The following ARL14EP variants were observed in gnomAD, a reference collection of about 807,000 sequenced individuals.
ARL14EP encodes ARF like GTPase 14 effector protein.
ARL14EP carries 12 observed loss-of-function variants against 23.1 expected under a neutral mutation model. The observed-to-expected ratio is 0.52, with a 90% CI of 0.33 to 0.84. ARL14EP has a LOEUF of 0.84. ARL14EP is among the 40% of genes least tolerant of loss of function. ARL14EP has a pLI of 0.02. For synonymous variants in ARL14EP, 97 were observed against 102.0 expected (o/e 0.95, Z 0.29); for missense variants, 253 against 307.3 (o/e 0.82, Z 1.32).
intron 1 of ARL14EP, among the ~76,000 whole-genome samples, chr11:30,326,749 A>C (rs1947237466): frequency 6.6e-6 from 1 of 152,176 alleles, no homozygotes; most frequent in South Asian, 2.1e-4. Context: ...GTATGTGAAC[A>C]AACTGCCTAA....
chr11:30,327,546 CTG>C, intron 1 of ARL14EP, among the ~76,000 whole-genome samples: 1 of 152,174 alleles, frequency 6.6e-6, no homozygotes, highest in South Asian at 2.1e-4. Flanking sequence ...CATTATAGAT[CTG>C]TGGCTAAAAA....
At chr11:30,330,690 G>A (rs573796582) in intron 1 of ARL14EP, 196 bp from the exon 2 acceptor site, 14 of 415,212 alleles carry the variant, frequency 3.4e-5, no homozygotes, top group African/African-American at 2.6e-4. Context: ...ATCTGTAATT[G>A]CAGATGTTTT....
rs7940297 is a variant in ARL14EP at position 30,332,977 on chromosome 11, A to C, written c.538A>C (p.Thr180Pro). 5.6e-4 allele frequency: 911 copies of C among 1,613,262 alleles called. 3 individuals carry two copies. The African/African-American group carries it at 0.011, about 19-fold the overall frequency. Reference protein sequence around the residue: ...REKRRLTKNATAGSDRQVIPA... With the variant: ...REKRRLTKNAPAGSDRQVIPA... ...AAAAAGAAGGCTTACAAAAAATGCA[A>C]CCGCTGGTTCAGACAGGTAGGCTAA... The change falls in exon 3 of 4, where the codon ACC becomes CCC. Residue 180 changes from threonine to proline, a missense_variant. Thr to Pro is a conservative substitution (Grantham distance 38). Transcript: ENST00000282032.
At chr11:30,336,493 T>G (rs1947333208) in intron 3 of ARL14EP, 74 bp from the exon 4 acceptor site, 1 of 1,312,540 alleles carries the variant, frequency 7.6e-7, no homozygotes. Context: ...CTCCTTTTTT[T>G]TTTTTACTGT....
At chr11:30,333,532 T>C (rs1294444445) in intron 3 of ARL14EP, among the ~76,000 whole-genome samples, 1 of 152,164 alleles carries the variant, frequency 6.6e-6, no homozygotes, top group Non-Finnish European at 1.5e-5. Flanking sequence ...TTTGAGTCAC[T>C]AGGAACCACA....
chr11:30,330,680 A>T, intron 1 of ARL14EP: 1 of 395,320 alleles, frequency 2.5e-6, no homozygotes, highest in Non-Finnish European at 4.6e-6. Flanking sequence ...CTTAAATATA[A>T]TCTGTAATTG....
chr11:30,333,115 G>T, intron 3 of ARL14EP, 122 bp downstream of exon 3: 1 of 1,312,410 alleles, frequency 7.6e-7, no homozygotes, highest in Non-Finnish European at 1.0e-6. Context: ...TGTAGAATTA[G>T]TAAAAACCTA....
intron 1 of ARL14EP, chr11:30,327,915 G>C (rs1289138889): frequency 1.3e-5 from 2 of 151,702 alleles, no homozygotes; most frequent in Non-Finnish European, 2.9e-5. Context: ...GGTGGAGCTT[G>C]CAGTGAGCCA....
intron 1 of ARL14EP, among the ~76,000 whole-genome samples, chr11:30,324,553 G>GC (rs1319269370): frequency 6.6e-6 from 1 of 151,538 alleles, no homozygotes; most frequent in Non-Finnish European, 1.5e-5. Context: ...GTTAGTGGTG[G>GC]GGGGGGTGTT....
intron 3 of ARL14EP, among the ~76,000 whole-genome samples, chr11:30,335,763 TA>T (rs1947326354): frequency 1.7e-5 from 2 of 115,770 alleles, no homozygotes; most frequent in Non-Finnish European, 3.7e-5. Flanking sequence ...AGCAAAAAAA[TA>T]TATATATATA....
chr11:30,324,078 A>T (rs1027531662), intron 1 of ARL14EP, among the ~76,000 whole-genome samples: 2 of 152,220 alleles, frequency 1.3e-5, no homozygotes, highest in African/African-American at 4.8e-5. Context: ...TGAAGATGAC[A>T]GGCACAAAAA....
rs1407260577 is a variant in ARL14EP, at chr11:30,336,784, C to T, written c.772C>T (p.His258Tyr). ...IEGGEIIHNKHAG is the reference protein window; with the variant it reads ...IEGGEIIHNKYAG Reference sequence around the variant, plus strand: ...AGGAGGAGAAATAATTCATAATAAACATGCTGGATAATCTGCGGTACCAAA... The same window carrying T: ...AGGAGGAGAAATAATTCATAATAAATATGCTGGATAATCTGCGGTACCAAA... Residue 258 changes from histidine to tyrosine, a missense_variant, in exon 4 of 4, where the codon CAT becomes TAT. Transcript: ENST00000282032. The T allele has an allele frequency of 6.2e-7, 1 of 1,613,580 alleles. No individual in the cohort carries two copies. Among genetic ancestry groups the T allele is most frequent in the African/African-American group, 1.3e-5 (1 of 74,894 alleles).
chr11:30,328,677 C>T (rs1029609193), intron 1 of ARL14EP: 16 of 151,976 alleles, frequency 1.1e-4, no homozygotes, highest in African/African-American at 3.1e-4. Context: ...GACATTTATT[C>T]GCCATTTTTT....
At chr11:30,333,617 G>A (rs1222827588) in intron 3 of ARL14EP, among the ~76,000 whole-genome samples, 1 of 152,094 alleles carries the variant, frequency 6.6e-6, no homozygotes, top group African/African-American at 2.4e-5. Context: ...CTGTTCTCTA[G>A]ACTCTCTCCC....
intron 2 of ARL14EP, 52 bp from the exon 3 acceptor site, chr11:30,332,814 T>A: frequency 6.3e-7 from 1 of 1,597,442 alleles, no homozygotes; most frequent in South Asian, 1.1e-5. Context: ...AAAATGTTAA[T>A]CTGTTGTCTG....
At position 30,332,886 on chromosome 11, in the gene ARL14EP, G is replaced by T. The variant is rs1947296424; in HGVS notation, c.447G>T (p.Leu149Phe). The T allele has an allele frequency of 5.0e-6, 8 of 1,613,202 alleles. No individual in the cohort carries two copies. Among genetic ancestry groups the T allele is most frequent in the South Asian group, 1.1e-5 (1 of 91,036 alleles). The change falls in exon 3 of 4, where the codon TTG (leucine) becomes TTT (phenylalanine). Residue 149 changes from leucine (L) to phenylalanine (F), a missense_variant. Physicochemically the swap from Leu to Phe is conservative, Grantham distance 22. Coordinates refer to ENST00000282032, the MANE Select transcript of ARL14EP (RefSeq NM_152316.3). Reference protein sequence around the residue: ...PESDGRTAKALRSLQFTNPGR... With the variant: ...PESDGRTAKAFRSLQFTNPGR... ...TTCAGGGAAGAACTGCTAAAGCTTT[G>T]AGGTCATTACAATTTACGAATCCAG...
Position 30,336,806 on chromosome 11 carries a change from C to T in ARL14EP, c.*11C>T, listed in dbSNP as rs372069539. ...AAACATGCTGGATAATCTGCGGTAC[C>T]AAACTATGGAGCCTTTAAAGGTCTT... On this transcript the variant is annotated 3_prime_UTR_variant, in exon 4 of 4. Coordinates refer to ENST00000282032, the MANE Select transcript of ARL14EP (RefSeq NM_152316.3). 7.5e-6 allele frequency: 12 copies of T among 1,600,658 alleles called. No individual in the cohort carries two copies. The highest frequency in any genetic ancestry group is 6.7e-5 in the East Asian group (3 of 44,798).
chr11:30,329,114 GAT>G (rs939623972), intron 1 of ARL14EP: 1 of 151,954 alleles, frequency 6.6e-6, no homozygotes, highest in African/African-American at 2.4e-5. Context: ...CCACAAATGT[GAT>G]ATATGTTACT....
Position 30,338,067 on chromosome 11 carries a change from C to T in ARL14EP, c.*1272C>T, listed in dbSNP as rs1198042669. ...CCACAGTACCATGTGAAATGAGGATCGCTTGTAGCTGGGAACAGTGCTTAC... is the reference window on the plus strand; with the variant it reads ...CCACAGTACCATGTGAAATGAGGATTGCTTGTAGCTGGGAACAGTGCTTAC... On this transcript the variant is annotated 3_prime_UTR_variant, in exon 4 of 4. Coordinates refer to ENST00000282032, the MANE Select transcript of ARL14EP (RefSeq NM_152316.3). 2.0e-5 allele frequency: 3 copies of T among 152,102 alleles called. No homozygotes were observed. Among genetic ancestry groups the T allele is most frequent in the Admixed American group, 6.6e-5 (1 of 15,266 alleles). The allele number at this position is 152,102 out of a possible 1,614,324, so 9.4% of individuals were successfully genotyped here.
Sources: gnomAD v4.1 joint callset for allele counts (sites outside exome capture counted in the v4.1 genomes callset) on GRCh38, gnomAD v4.1.1 for gene constraint, MANE v1.5 for transcripts, NCBI Gene and HGNC (gene_info 2026-07-23, HGNC 2026-07-21) for gene names.